The following GRID2 variants were observed in gnomAD, a reference collection of about 807,000 sequenced individuals.
The protein encoded by GRID2 is glutamate receptor ionotropic, delta-2.
In GRID2, 33 loss-of-function variants were observed where a neutral mutation model predicts 114.8. The ratio of observed to expected loss-of-function variants is 0.29; its 90% CI spans 0.22 to 0.38. The LOEUF is 0.38. GRID2 is among the 10% of genes least tolerant of loss of function. GRID2 has a pLI of 1.00. For synonymous variants in GRID2, 505 were observed against 449.9 expected (o/e 1.12, Z -1.55); for missense variants, 1,184 against 1,257.7 (o/e 0.94, Z 0.89).
intron 4 of GRID2, among the ~76,000 whole-genome samples, chr4:93,156,948 A>G (rs1379431195): frequency 6.6e-6 from 1 of 151,820 alleles, no homozygotes; most frequent in African/African-American, 2.4e-5. Flanking sequence ...GGTGAGGAAT[A>G]GAAACTCAAG....
At chr4:93,134,792 T>C (rs1735094394) in intron 4 of GRID2, among the ~76,000 whole-genome samples, 1 of 152,102 alleles carries the variant, frequency 6.6e-6, no homozygotes, top group East Asian at 1.9e-4. Context: ...GTAGTAGAGG[T>C]CCCTTCACCA....
intron 1 of GRID2, among the ~76,000 whole-genome samples, chr4:92,357,073 G>A (rs189590909): frequency 6.6e-6 from 1 of 151,652 alleles, no homozygotes; most frequent in East Asian, 1.9e-4. Context: ...AGAGGATTAG[G>A]GTAATGGTGC....
chr4:92,752,050 G>A (rs1361819487), intron 2 of GRID2, among the ~76,000 whole-genome samples: 3 of 152,168 alleles, frequency 2.0e-5, no homozygotes, highest in Non-Finnish European at 4.4e-5. Context: ...ACACACCCAC[G>A]AAGCTACAGT....
At chr4:93,219,092 G>A (rs1201103006) in intron 6 of GRID2, among the ~76,000 whole-genome samples, 1 of 152,082 alleles carries the variant, frequency 6.6e-6, no homozygotes, top group Non-Finnish European at 1.5e-5. Context: ...AATGTCCCAT[G>A]TTTGCATTTT....
chr4:92,420,575 T>C (rs187920901), intron 1 of GRID2, among the ~76,000 whole-genome samples: 581 of 152,288 alleles, frequency 3.8e-3, no homozygotes, highest in Middle Eastern at 0.02. Flanking sequence ...CAATCCCTAG[T>C]CTGTCCTTCA....
At chr4:92,337,074 T>C (rs986921515) in intron 1 of GRID2, among the ~76,000 whole-genome samples, 4 of 149,636 alleles carry the variant, frequency 2.7e-5, no homozygotes, top group Admixed American at 6.7e-5. Flanking sequence ...TGCTACTATA[T>C]ACTTCACAAG....
At chr4:92,325,685 G>A (rs558315643) in intron 1 of GRID2, among the ~76,000 whole-genome samples, 2 of 151,396 alleles carry the variant, frequency 1.3e-5, no homozygotes, top group East Asian at 3.9e-4. Flanking sequence ...TCTCCTTTTG[G>A]CTTCAGAACT....
intron 2 of GRID2, among the ~76,000 whole-genome samples, chr4:93,041,285 T>G (rs1725491077): frequency 6.6e-6 from 1 of 152,168 alleles, no homozygotes; most frequent in South Asian, 2.1e-4. Flanking sequence ...AATATTGTGT[T>G]GGTAACTTAC....
intron 1 of GRID2, among the ~76,000 whole-genome samples, chr4:93,784,423 G>T (rs1030826413): frequency 1.3e-5 from 2 of 152,080 alleles, no homozygotes; most frequent in African/African-American, 4.8e-5. Flanking sequence ...GAGAAGCAGC[G>T]TTTGAGCCAA....
rs1032538170 is a variant in GRID2 at position 92,460,053 on chromosome 4, T to TATATATATATATATATATATAC, written c.89-130077_89-130076insTATATATATATATATATATACA. On this transcript the variant is annotated intron_variant, in intron 1 of 15. Transcript: ENST00000282020. The stretch of plus-strand genomic sequence containing the variant: ...CTCACTATATATATATATATATATA[T>TATATATATATATATATATATAC]ACACACACAACTTTTTGGTTCTGTT... 9.5e-3 allele frequency among the ~76,000 whole-genome samples: 947 copies of TATATATATATATATATATATAC among 99,436 alleles called. 22 individuals carry two copies. The highest frequency in any genetic ancestry group is 0.012 in the Non-Finnish European group (589 of 49,762). 65.2% of individuals were successfully genotyped at this position (99,436 alleles called of 152,430 possible).
intron 1 of GRID2, among the ~76,000 whole-genome samples, chr4:92,549,576 T>C: frequency 6.6e-6 from 1 of 152,154 alleles, no homozygotes; most frequent in East Asian, 1.9e-4. Flanking sequence ...GAGGGCTATT[T>C]AAGTTTTAAA....
chr4:92,685,788 TATC>T (rs1733869614), intron 2 of GRID2, among the ~76,000 whole-genome samples: 1 of 152,200 alleles, frequency 6.6e-6, no homozygotes, highest in East Asian at 1.9e-4. Flanking sequence ...CTACCTGTTC[TATC>T]ATCCTGATTT....
rs760064903 is a variant in GRID2, at chr4:93,217,694, T to A, written c.963+783T>A. ...AGAGACGGGAAAAAAATCAATCAGA[T>A]AAACTAACTCATATAACCTGTCAGT... On this transcript the variant is annotated intron_variant, in intron 6 of 15. Coordinates refer to ENST00000282020, the MANE Select transcript of GRID2 (RefSeq NM_001510.4). Among the ~76,000 whole-genome samples the A allele has an allele frequency of 2.6e-5, 4 of 151,852 alleles. 1 individual carries two copies. Among genetic ancestry groups the A allele is most frequent in the South Asian group, 4.1e-4 (2 of 4,824 alleles).
At chr4:92,557,630 C>CAT (rs10638716) in intron 1 of GRID2, among the ~76,000 whole-genome samples, 35,699 of 144,992 alleles carry the variant, frequency 0.25, 4,471 homozygotes, top group South Asian at 0.3. Context: ...TACTTCACTG[C>CAT]ATATATATAT....
At position 93,515,326 on chromosome 4, in the gene GRID2, G is replaced by T. The variant is rs761893088; in HGVS notation, c.2108G>T (p.Ser703Ile). The T allele has an allele frequency of 6.2e-7, 1 of 1,611,832 alleles. No homozygotes were observed. Among genetic ancestry groups the T allele is most frequent in the Non-Finnish European group, 8.5e-7 (1 of 1,178,124 alleles). The change falls in exon 13 of 16, where the codon AGC becomes ATC. Residue 703 changes from serine (S) to isoleucine (I), a missense_variant. Physicochemically the swap from Ser to Ile is moderately radical, Grantham distance 142. Transcript: ENST00000282020. ...GGACTGAATCCTTTTGAGAGGGACAGCATGTATTCCCAAATGTGGCGGATG... is the reference window on the plus strand; with the variant it reads ...GGACTGAATCCTTTTGAGAGGGACATCATGTATTCCCAAATGTGGCGGATG... ...MKGLNPFERD[S>I]MYSQMWRMIN...
In GRID2 at chr4:92,801,995, TA is replaced by T. The variant is rs1046035927; in HGVS notation, c.244+211717del. ...CAATGAAATACCACATTGTTTTTTTTAAAAAAAACTTCATAATATACTATCG... is the reference window on the plus strand; with the variant it reads ...CAATGAAATACCACATTGTTTTTTTTAAAAAAACTTCATAATATACTATCG... On this transcript the variant is annotated intron_variant, in intron 2 of 15. Transcript: ENST00000282020. 2.0e-5 allele frequency among the ~76,000 whole-genome samples: 3 copies of T among 151,736 alleles called. No individual in the cohort carries two copies. In the East Asian group the frequency reaches 5.8e-4, roughly 29 times the overall value.
At chr4:92,888,528 T>C (rs1746527477) in intron 2 of GRID2, among the ~76,000 whole-genome samples, 1 of 152,056 alleles carries the variant, frequency 6.6e-6, no homozygotes, top group Non-Finnish European at 1.5e-5. Context: ...CAGTGGTATG[T>C]GGTGATATTA....
intron 13 of GRID2, among the ~76,000 whole-genome samples, chr4:93,607,268 G>T (rs1345928340): frequency 3.3e-5 from 5 of 151,906 alleles, no homozygotes; most frequent in Admixed American, 3.3e-4. Flanking sequence ...ATTTATATAA[G>T]TCCTGGTCAT....
intron 2 of GRID2, among the ~76,000 whole-genome samples, chr4:92,604,112 T>C (rs1729346648): frequency 1.3e-5 from 2 of 152,094 alleles, no homozygotes; most frequent in African/African-American, 2.4e-5. Context: ...AGTTCAACCA[T>C]TGTGGAAGAC....
Sources: allele counts gnomAD v4.1 joint callset (sites outside exome capture counted in the v4.1 genomes callset), GRCh38; gene constraint gnomAD v4.1.1; transcripts MANE v1.5; gene names NCBI Gene and HGNC (gene_info 2026-07-23, HGNC 2026-07-21).